KIF5A: variants seen among roughly 807,000 people sequenced by gnomAD.
The protein encoded by KIF5A is kinesin heavy chain isoform 5A.
Under a neutral mutation model 141.3 loss-of-function variants are expected in KIF5A, and 35 were observed. The observed-to-expected ratio is 0.25, with a 90% CI of 0.19 to 0.33. The LOEUF is 0.33. Among genes scored for constraint, KIF5A ranks in the 10% least tolerant of loss-of-function variants. KIF5A has a pLI of 1.00. For synonymous variants in KIF5A, 448 were observed against 500.2 expected (o/e 0.90, Z 1.39); for missense variants, 861 against 1,314.3 (o/e 0.66, Z 5.33).
chr12:57,574,076 T>A, intron 15 of KIF5A, among the ~76,000 whole-genome samples: 1 of 139,810 alleles, frequency 7.2e-6, no homozygotes, highest in African/African-American at 2.8e-5. Flanking sequence ...AGGGAGACTC[T>A]GTCTCAAAAA....
intron 19 of KIF5A, 114 bp downstream of exon 19, chr12:57,576,492 C>A: frequency 1.2e-6 from 1 of 838,160 alleles, no homozygotes; most frequent in Non-Finnish European, 2.0e-6. Context: ...ATTCCCTCAA[C>A]AATGCCACAA....
intron 21 of KIF5A, 28 bp from the exon 22 acceptor site, chr12:57,577,981 A>G: frequency 6.3e-7 from 1 of 1,579,026 alleles, no homozygotes; most frequent in Non-Finnish European, 8.7e-7. Flanking sequence ...GTATCTGGCT[A>G]TTCCCAATTT....
intron 1 of KIF5A, among the ~76,000 whole-genome samples, chr12:57,553,127 T>C (rs1422730968): frequency 6.6e-6 from 1 of 152,176 alleles, no homozygotes; most frequent in East Asian, 1.9e-4. Context: ...TGTGACTTTT[T>C]CGCCAGACCC....
intron 1 of KIF5A, among the ~76,000 whole-genome samples, chr12:57,555,073 A>C (rs1881690122): frequency 6.6e-6 from 1 of 152,192 alleles, no homozygotes; most frequent in Non-Finnish European, 1.5e-5. Flanking sequence ...AATCTGGATC[A>C]AGGTTGTGAT....
chr12:57,580,589 C>T (rs1181340719), intron 23 of KIF5A, among the ~76,000 whole-genome samples: 2 of 152,112 alleles, frequency 1.3e-5, no homozygotes, highest in African/African-American at 2.4e-5. Flanking sequence ...TCCCCATGGC[C>T]GCCCTGGGGC....
chr12:57,555,908 C>CAAAAAA (rs763843453), intron 1 of KIF5A, among the ~76,000 whole-genome samples: 2 of 92,226 alleles, frequency 2.2e-5, no homozygotes, highest in Non-Finnish European at 4.5e-5. Flanking sequence ...AACTCTATCT[C>CAAAAAA]AAAAAAAAAA....
At chr12:57,571,855 G>A (rs538374734) in intron 13 of KIF5A, among the ~76,000 whole-genome samples, 5 of 152,070 alleles carry the variant, frequency 3.3e-5, no homozygotes, top group Admixed American at 1.3e-4. Context: ...CACTGCGCCC[G>A]GCTGGGGCTT....
In KIF5A at chr12:57,550,510, C is replaced by A; in HGVS notation, c.129+110C>A. 1.8e-6 allele frequency: 2 copies of A among 1,125,916 alleles called. No homozygotes were observed. The highest frequency in any genetic ancestry group is 2.6e-6 in the Non-Finnish European group (2 of 776,988). The allele number at this position is 1,125,916 out of a possible 1,614,324, so 69.7% of individuals were successfully genotyped here. On this transcript the variant is annotated intron_variant, in intron 1 of 28. Coordinates refer to ENST00000455537, the MANE Select transcript of KIF5A (RefSeq NM_004984.4). This position sits in a 1 kb window ranked among gnomAD's most constrained non-coding sequence, Gnocchi z 4.6. ...CCCTTTGCTCCCCCTCCCCGCCGCTCATCCTTCATCCTCTTCCCCGCAGCC... is the reference window on the plus strand; with the variant it reads ...CCCTTTGCTCCCCCTCCCCGCCGCTAATCCTTCATCCTCTTCCCCGCAGCC...
chr12:57,564,396 G>A, intron 4 of KIF5A, 64 bp from the exon 5 acceptor site: 2 of 1,262,640 alleles, frequency 1.6e-6, no homozygotes, highest in South Asian at 2.4e-5. Flanking sequence ...ATTAGTATGG[G>A]ATTCCTGAAC....
chr12:57,557,411 A>C (rs1881779191), intron 1 of KIF5A, among the ~76,000 whole-genome samples: 1 of 152,158 alleles, frequency 6.6e-6, no homozygotes, highest in Admixed American at 6.6e-5. Flanking sequence ...TAATATTAAA[A>C]ATAATGTAAT....
intron 1 of KIF5A, among the ~76,000 whole-genome samples, chr12:57,559,007 G>A (rs1185933816): frequency 6.6e-6 from 1 of 152,022 alleles, no homozygotes; most frequent in Non-Finnish European, 1.5e-5. Flanking sequence ...CCAACTCCTG[G>A]CCTCAAGGAT....
In KIF5A at chr12:57,585,221, T is replaced by C. The variant is rs1352887650; in HGVS notation, c.*1040T>C. On this transcript the variant is annotated 3_prime_UTR_variant, in exon 29 of 29. Transcript: ENST00000455537. ...ATCTCCACCCCTTGGTTTGGGGGCT[T>C]CCAGCTCATTGGCAAAATCTCTCTA... The C allele has an allele frequency of 6.5e-6, 1 of 154,382 alleles. No homozygotes were observed. The highest frequency in any genetic ancestry group is 1.5e-5 in the Non-Finnish European group (1 of 68,216). The allele number at this position is 154,382 out of a possible 1,614,324, so 9.6% of individuals were successfully genotyped here.
In KIF5A at chr12:57,576,412, C is replaced by T. The variant is rs181843792; in HGVS notation, c.2198+34C>T. Reference sequence around the variant, plus strand: ...TCCCAAGGGCGACTCCAGCCCCTCCCGGGTCCTGTCACCTTGCTGTATTGA... The same window carrying T: ...TCCCAAGGGCGACTCCAGCCCCTCCTGGGTCCTGTCACCTTGCTGTATTGA... On this transcript the variant is annotated intron_variant, in intron 19 of 28. Transcript: ENST00000455537. 363 of 1,519,118 alleles carry T rather than the reference C, an allele frequency of 2.4e-4. No homozygotes were observed. The African/African-American group carries it at 3.7e-3, about 16-fold the overall frequency. The allele number at this position is 1,519,118 out of a possible 1,614,324, so 94.1% of individuals were successfully genotyped here. A position where few individuals can be genotyped will look rare whatever the true frequency, so the allele number is the denominator to read the frequency against.
At chr12:57,557,140 G>C (rs1053139321) in intron 1 of KIF5A, among the ~76,000 whole-genome samples, 5 of 151,654 alleles carry the variant, frequency 3.3e-5, no homozygotes, top group Admixed American at 6.6e-5. Context: ...ACTATCCTTC[G>C]TACAACCGGA....
intron 1 of KIF5A, among the ~76,000 whole-genome samples, chr12:57,553,492 T>G (rs1881640328): frequency 6.6e-6 from 1 of 152,108 alleles, no homozygotes; most frequent in South Asian, 2.1e-4. Context: ...TGGGGGAGTC[T>G]CATAAAGAAA....
chr12:57,583,333 G>C, intron 28 of KIF5A, 118 bp downstream of exon 28: 4 of 671,322 alleles, frequency 6.0e-6, no homozygotes, highest in Non-Finnish European at 7.9e-6. Flanking sequence ...CTTTAATTAT[G>C]TAGTTACCCC....
intron 19 of KIF5A, 51 bp from the exon 20 acceptor site, chr12:57,576,710 C>T (rs1019279496): frequency 1.5e-6 from 2 of 1,350,716 alleles, no homozygotes; most frequent in South Asian, 2.3e-5. Flanking sequence ...TTCCCTTCCC[C>T]CTCATTAACA....
In KIF5A at chr12:57,567,113, T is replaced by G; in HGVS notation, c.502-13T>G. 1 of 1,575,058 alleles carries G rather than the reference T, an allele frequency of 6.3e-7. No individual in the cohort carries two copies. The stretch of plus-strand genomic sequence containing the variant: ...ACAAAGCTTATGGGTCACTGTCCAT[T>G]TGTCCCCCACAGGGTTGTACTGAAC... On this transcript the variant is annotated splice_polypyrimidine_tract_variant and intron_variant, in intron 6 of 28. Coordinates refer to ENST00000455537, the MANE Select transcript of KIF5A (RefSeq NM_004984.4).
chr12:57,560,960 AG>A (rs1190811077), intron 1 of KIF5A, among the ~76,000 whole-genome samples: 2 of 152,074 alleles, frequency 1.3e-5, no homozygotes, highest in African/African-American at 4.8e-5. Context: ...ACTGTACTCC[AG>A]CCTACATGAC....
Sources: allele counts gnomAD v4.1 joint callset (sites outside exome capture counted in the v4.1 genomes callset), GRCh38; gene constraint gnomAD v4.1.1; non-coding constraint Gnocchi (gnomAD v3.1); transcripts MANE v1.5; gene names NCBI Gene and HGNC (gene_info 2026-07-23, HGNC 2026-07-21).